SRPRA: variants seen among roughly 807,000 people sequenced by gnomAD.
SRPRA encodes signal recognition particle receptor subunit alpha.
In SRPRA, 30 loss-of-function variants were observed where a neutral mutation model predicts 61.1. The ratio of observed to expected loss-of-function variants is 0.49; its 90% CI spans 0.37 to 0.67. The LOEUF (loss-of-function observed/expected upper bound fraction) is 0.67. Among genes scored for constraint, SRPRA ranks in the 30% least tolerant of loss-of-function variants. The pLI is 0.00. For synonymous variants in SRPRA, 324 were observed against 299.7 expected (o/e 1.08, Z -0.84); for missense variants, 759 against 828.4 (o/e 0.92, Z 1.03).
Position 126,267,120 on chromosome 11 carries a change from T to C in SRPRA, c.526+55A>G, listed in dbSNP as rs1315690635. On this transcript the variant is annotated intron_variant, in intron 4 of 13. Coordinates refer to ENST00000332118, the MANE Select transcript of SRPRA (RefSeq NM_003139.4). The surrounding 1 kb of genome is among the most constrained non-coding windows in gnomAD (Gnocchi z 4.2). Reference sequence around the variant, plus strand: ...CAAAAGGAAGGACCACCTCAGTCCTTAGCACCGTGTTAACACCTTTCATGT... The same window carrying C: ...CAAAAGGAAGGACCACCTCAGTCCTCAGCACCGTGTTAACACCTTTCATGT... 6.2e-7 allele frequency: 1 copy of C among 1,607,318 alleles called. No individual in the cohort carries two copies. Among genetic ancestry groups the C allele is most frequent in the African/African-American group, 1.3e-5 (1 of 74,624 alleles).
Position 126,267,802 on chromosome 11 carries a change from G to A in SRPRA, c.202-90C>T, listed in dbSNP as rs1007067040. ...ACTCAACCCTGGCTTTCAGAGATAG[G>A]TTCAGCTACCTGGCCGGTTTCCCTG... On this transcript the variant is annotated intron_variant, in intron 2 of 13. Coordinates refer to ENST00000332118, the MANE Select transcript of SRPRA (RefSeq NM_003139.4). The surrounding 1 kb of genome is among the most constrained non-coding windows in gnomAD (Gnocchi z 4.2). The A allele has an allele frequency of 5.8e-6, 9 of 1,557,090 alleles. No individual in the cohort carries two copies. The highest frequency in any genetic ancestry group is 1.4e-5 in the African/African-American group (1 of 73,606).
chr11:126,261,677 A>C (rs572678998), downstream of SRPRA, among the ~76,000 whole-genome samples: 6 of 152,324 alleles, frequency 3.9e-5, no homozygotes, highest in East Asian at 1.2e-3. Context: ...AATCTAGTGC[A>C]GTGATCAGTT....
the SRPRA span, among the ~76,000 whole-genome samples, chr11:126,242,669 T>G: frequency 1.2e-3 from 178 of 152,202 alleles, no homozygotes; most frequent in Admixed American, 4.9e-3. Context: ...AAAATACAAA[T>G]CAAAACCACA....
In SRPRA at chr11:126,265,500, C is replaced by A; in HGVS notation, c.1139-60G>T. The A allele has an allele frequency of 6.4e-7, 1 of 1,560,618 alleles. No homozygotes were observed. Among genetic ancestry groups the A allele is most frequent in the South Asian group, 1.2e-5 (1 of 86,500 alleles). ...AACTCAAGGAATGCTCTCAAAAATG[C>A]CTAACACCTTTCTGAGCTAAGGGGA... On this transcript the variant is annotated intron_variant, in intron 9 of 13. Coordinates refer to ENST00000332118, the MANE Select transcript of SRPRA (RefSeq NM_003139.4). This position sits in a 1 kb window ranked among gnomAD's most constrained non-coding sequence, Gnocchi z 6.3.
At position 126,265,862 on chromosome 11, in the gene SRPRA, C is replaced by T. The variant is rs919776222; in HGVS notation, c.1052-39G>A. ...GACAGGTATGTCAGTTCCATGTCAG[C>T]AATGACCAATCTTTATGGTACAGGT... is the stretch of plus-strand genomic sequence containing the variant. On this transcript the variant is annotated intron_variant, in intron 8 of 13. Transcript: ENST00000332118. This position sits in a 1 kb window ranked among gnomAD's most constrained non-coding sequence, Gnocchi z 6.3. 6.2e-7 allele frequency: 1 copy of T among 1,613,084 alleles called. No individual in the cohort carries two copies. The highest frequency in any genetic ancestry group is 8.5e-7 in the Non-Finnish European group (1 of 1,179,138).
Position 126,263,845 on chromosome 11 carries a change from A to G in SRPRA, c.*71T>C, listed in dbSNP as rs538045323. The stretch of plus-strand genomic sequence containing the variant: ...TGAAGACAGGTTGCTCACATACTCT[A>G]AAGCACATTCTTGATACAGGAAGAA... On this transcript the variant is annotated 3_prime_UTR_variant, in exon 14 of 14. Transcript: ENST00000332118. 6.7e-5 allele frequency: 106 copies of G among 1,590,778 alleles called. 1 individual carries two copies. In the Admixed American group the frequency reaches 1.5e-3, roughly 23 times the overall value.
the SRPRA span, among the ~76,000 whole-genome samples, chr11:126,251,731 C>CTTT: frequency 1.5e-5 from 2 of 137,464 alleles, no homozygotes; most frequent in Non-Finnish European, 3.2e-5. Context: ...TAACTTGCAG[C>CTTT]TTTTTTTTTT....
At position 126,267,752 on chromosome 11, in the gene SRPRA, A is replaced by AC; in HGVS notation, c.202-41dup. The AC allele has an allele frequency of 6.2e-7, 1 of 1,611,546 alleles. No homozygotes were observed. Among genetic ancestry groups the AC allele is most frequent in the Non-Finnish European group, 8.5e-7 (1 of 1,178,380 alleles). On this transcript the variant is annotated intron_variant, in intron 2 of 13. Coordinates refer to ENST00000332118, the MANE Select transcript of SRPRA (RefSeq NM_003139.4). The surrounding 1 kb of genome is among the most constrained non-coding windows in gnomAD (Gnocchi z 4.2). ...AAACAGCCAACAGATCTGCTTACAT[A>AC]CTAGCCTAGAATGGAGGGACGCCAA...
rs1950821323 is a variant in SRPRA, at chr11:126,266,938, C to A, written c.527-16G>T. The A allele has an allele frequency of 6.2e-7, 1 of 1,605,716 alleles. No individual in the cohort carries two copies. Among genetic ancestry groups the A allele is most frequent in the Non-Finnish European group, 8.5e-7 (1 of 1,177,180 alleles). ...CCATCAGAACCTGTTGGGGAAAAAA[C>A]TCACTGAAGAAAAAAGAAGACCAAT... On this transcript the variant is annotated splice_polypyrimidine_tract_variant and intron_variant, in intron 4 of 13. Transcript: ENST00000332118.
the SRPRA span, chr11:126,254,511 G>T: frequency 6.4e-7 from 1 of 1,557,568 alleles, no homozygotes; most frequent in Non-Finnish European, 8.8e-7. Context: ...ATCTTAAAGG[G>T]GAACATCTTC....
chr11:126,259,740 A>G (rs1048493089), downstream of SRPRA, among the ~76,000 whole-genome samples: 13 of 141,530 alleles, frequency 9.2e-5, no homozygotes, highest in African/African-American at 3.2e-4. Context: ...TATTGATTTG[A>G]GATGGAGTTT....
chr11:126,261,001 A>AT (rs1447473816), downstream of SRPRA: 16 of 160,432 alleles, frequency 1.0e-4, no homozygotes, highest in Admixed American at 1.8e-4. Flanking sequence ...GTGCTACCGT[A>AT]TTTTATTTTG....
chr11:126,254,631 G>A, the SRPRA span, among the ~76,000 whole-genome samples: 4 of 152,292 alleles, frequency 2.6e-5, no homozygotes, highest in East Asian at 1.9e-4. Flanking sequence ...CCAGGAGTTC[G>A]AGACCAGCCT....
chr11:126,236,761 T>C, the SRPRA span, among the ~76,000 whole-genome samples: 2 of 151,802 alleles, frequency 1.3e-5, no homozygotes, highest in Non-Finnish European at 2.9e-5. Flanking sequence ...GTTGCTTTAT[T>C]TTTTTCCCCC....
chr11:126,246,785 G>T, the SRPRA span, among the ~76,000 whole-genome samples: 1 of 152,072 alleles, frequency 6.6e-6, no homozygotes, highest in Non-Finnish European at 1.5e-5. Context: ...AGGAAATGAA[G>T]GTCACTGTTT....
the SRPRA span, chr11:126,254,343 G>A: frequency 1.9e-6 from 3 of 1,613,860 alleles, no homozygotes; most frequent in Admixed American, 1.7e-5. Flanking sequence ...AGCTGAGCGT[G>A]TTGCATATTC....
intron 5 of SRPRA, 25 bp from the exon 6 acceptor site, chr11:126,266,654 G>C (rs79296801): frequency 1.2e-6 from 2 of 1,611,508 alleles, no homozygotes; most frequent in East Asian, 4.5e-5. Flanking sequence ...GATACAAAGA[G>C]TTATGGTGGA....
the SRPRA span, among the ~76,000 whole-genome samples, chr11:126,252,885 AC>A: frequency 6.6e-6 from 1 of 152,064 alleles, no homozygotes; most frequent in African/African-American, 2.4e-5. The surrounding 1 kb of genome is among the most constrained non-coding windows in gnomAD (Gnocchi z 4.7). Flanking sequence ...GAATACAAAA[AC>A]TAGCTGGGAG....
chr11:126,265,921 C>T lies in SRPRA; in HGVS notation c.1051+42G>A. 1 of 1,611,116 alleles carries T rather than the reference C, an allele frequency of 6.2e-7. No homozygotes were observed. The highest frequency in any genetic ancestry group is 8.5e-7 in the Non-Finnish European group (1 of 1,177,288). On this transcript the variant is annotated intron_variant, in intron 8 of 13. Transcript: ENST00000332118. This position sits in a 1 kb window ranked among gnomAD's most constrained non-coding sequence, Gnocchi z 6.3. ...CTAGGTGATTCTGCTCTCAACTACCCCTATCCCGCGAGTATGAGTCAGCCC... is the reference window on the plus strand; with the variant it reads ...CTAGGTGATTCTGCTCTCAACTACCTCTATCCCGCGAGTATGAGTCAGCCC...
Sources: allele counts gnomAD v4.1 joint callset (sites outside exome capture counted in the v4.1 genomes callset), GRCh38; gene constraint gnomAD v4.1.1; non-coding constraint Gnocchi (gnomAD v3.1); transcripts MANE v1.5; gene names NCBI Gene and HGNC (gene_info 2026-07-23, HGNC 2026-07-21).